The following SLCO5A1 variants were observed in gnomAD, a reference collection of about 807,000 sequenced individuals.
The protein encoded by SLCO5A1 is organic anion transporter polypeptide-related protein 4.
In SLCO5A1, 39 loss-of-function variants were observed where a neutral mutation model predicts 65.1. The observed-to-expected ratio is 0.60, with a 90% CI of 0.46 to 0.78. SLCO5A1 has a LOEUF of 0.78. Among genes scored for constraint, SLCO5A1 ranks in the 30% least tolerant of loss-of-function variants. The probability of loss-of-function intolerance (pLI) is 0.00; values close to 1 mark genes in which losing one functional copy is unlikely to be tolerated. For synonymous variants in SLCO5A1, 438 were observed against 415.7 expected, an observed-to-expected ratio of 1.05 and a Z score of -0.65; for missense variants, 1,029 against 1,069.4, an observed-to-expected ratio of 0.96 and a Z score of 0.53.
chr8:69,721,205 C>T (rs926559013), intron 5 of SLCO5A1, among the ~76,000 whole-genome samples: 18 of 152,102 alleles, frequency 1.2e-4, no homozygotes, highest in Admixed American at 1.0e-3. Context: ...ACTATGAGGA[C>T]AGGAGTCTGT....
At chr8:69,692,291 A>G (rs1002498060) in intron 6 of SLCO5A1, among the ~76,000 whole-genome samples, 5 of 152,192 alleles carry the variant, frequency 3.3e-5, no homozygotes, top group Non-Finnish European at 7.3e-5. Context: ...ATACACCTGT[A>G]TAGGGCATTT....
Position 69,670,351 on chromosome 8 carries a change from A to G in SLCO5A1, c.*2518T>C, listed in dbSNP as rs545198276. 7 of 152,246 alleles carry G rather than the reference A, an allele frequency of 4.6e-5. No individual in the cohort carries two copies. 9.4% of individuals were successfully genotyped at this position (152,246 alleles called of 1,614,324 possible). ...GTATCATCTACAAAACAGTCACTTC[A>G]GTTGGCTATGTAATATTCCAGTGAT... On this transcript the variant is annotated 3_prime_UTR_variant, in exon 10 of 10. Transcript: ENST00000260126.
At chr8:69,711,014 C>T (rs949463569) in intron 5 of SLCO5A1, among the ~76,000 whole-genome samples, 1 of 39,692 alleles carries the variant, frequency 2.5e-5, no homozygotes, top group Non-Finnish European at 5.1e-5. Context: ...TTCATACTGT[C>T]CCCCCCACTC....
chr8:69,690,571 G>A (rs537776985), intron 6 of SLCO5A1, among the ~76,000 whole-genome samples: 72 of 152,190 alleles, frequency 4.7e-4, no homozygotes, highest in Non-Finnish European at 5.6e-4. Flanking sequence ...GTTGTCCTAC[G>A]GTAAAATCAA....
chr8:69,744,900 A>T (rs1172953697), intron 4 of SLCO5A1, among the ~76,000 whole-genome samples: 8 of 152,230 alleles, frequency 5.3e-5, no homozygotes, highest in Admixed American at 5.2e-4. Context: ...TTTTAAAAGT[A>T]TGGTTCTTTA....
intron 2 of SLCO5A1, among the ~76,000 whole-genome samples, chr8:69,806,585 C>T (rs763369695): frequency 9.9e-5 from 15 of 152,140 alleles, no homozygotes; most frequent in East Asian, 1.9e-4. Flanking sequence ...GGCTCAAGAC[C>T]GCAGAGGAAC....
At chr8:69,687,277 C>G (rs1350987320) in intron 6 of SLCO5A1, among the ~76,000 whole-genome samples, 1 of 152,260 alleles carries the variant, frequency 6.6e-6, no homozygotes, top group South Asian at 2.1e-4. Flanking sequence ...CTATTAAATA[C>G]CCCTCCTGAC....
At chr8:69,763,312 GA>G (rs939487522) in intron 2 of SLCO5A1, among the ~76,000 whole-genome samples, 62 of 137,736 alleles carry the variant, frequency 4.5e-4, no homozygotes, top group Non-Finnish European at 3.9e-4. Flanking sequence ...CTCCATCTCA[GA>G]AAAAAAAAAA....
At chr8:69,776,700 A>T (rs1418868979) in intron 2 of SLCO5A1, among the ~76,000 whole-genome samples, 1 of 152,096 alleles carries the variant, frequency 6.6e-6, no homozygotes, top group Non-Finnish European at 1.5e-5. Flanking sequence ...AAAAAAACAA[A>T]CCAACCAAAG....
intron 6 of SLCO5A1, among the ~76,000 whole-genome samples, chr8:69,704,344 A>T (rs560848236): frequency 6.6e-6 from 1 of 152,348 alleles, no homozygotes; most frequent in Non-Finnish European, 1.5e-5. Flanking sequence ...ATGGATTAAC[A>T]TATGTAAAGC....
At chr8:69,706,091 C>T (rs1586705646) in intron 5 of SLCO5A1, among the ~76,000 whole-genome samples, 1 of 152,106 alleles carries the variant, frequency 6.6e-6, no homozygotes, top group African/African-American at 2.4e-5. Flanking sequence ...TGCTTCTATA[C>T]ACTCATTAAA....
intron 5 of SLCO5A1, among the ~76,000 whole-genome samples, chr8:69,736,337 C>G (rs1416421988): frequency 6.6e-6 from 1 of 152,244 alleles, no homozygotes; most frequent in Non-Finnish European, 1.5e-5. Context: ...CACAAGTTGT[C>G]TGTCTAGCCT....
At chr8:69,800,697 G>C (rs916952823) in intron 2 of SLCO5A1, among the ~76,000 whole-genome samples, 1 of 152,150 alleles carries the variant, frequency 6.6e-6, no homozygotes, top group Non-Finnish European at 1.5e-5. Flanking sequence ...TAATCACGAA[G>C]GTTTATTCCT....
intron 5 of SLCO5A1, among the ~76,000 whole-genome samples, chr8:69,734,680 C>T (rs10504459): frequency 0.022 from 3,375 of 152,290 alleles, 106 homozygotes; most frequent in South Asian, 0.076. Context: ...TGCTTCCTCT[C>T]TATCCATAAC....
At chr8:69,763,486 A>G (rs1388063675) in intron 2 of SLCO5A1, among the ~76,000 whole-genome samples, 3 of 151,572 alleles carry the variant, frequency 2.0e-5, no homozygotes. Context: ...ATGGTGATGC[A>G]TACCTGTAAT....
rs140657859 is a variant in SLCO5A1, at chr8:69,737,215, T to G, written c.1423+825A>C. 1.7e-3 allele frequency among the ~76,000 whole-genome samples: 264 copies of G among 152,332 alleles called. 1 individual carries two copies. Among genetic ancestry groups the G allele is most frequent in the African/African-American group, 5.5e-3 (230 of 41,584 alleles). The stretch of plus-strand genomic sequence containing the variant: ...TGATGCTTGTTCATTTTCAGATAAT[T>G]CAAGTTTACTGGATTTGAATGTGGA... On this transcript the variant is annotated intron_variant, in intron 5 of 9. Coordinates refer to ENST00000260126, the MANE Select transcript of SLCO5A1 (RefSeq NM_030958.3).
chr8:69,799,804 T>C (rs1020287032), intron 2 of SLCO5A1, among the ~76,000 whole-genome samples: 3 of 152,154 alleles, frequency 2.0e-5, no homozygotes, highest in Non-Finnish European at 2.9e-5. Context: ...GGATAACCAA[T>C]GATCAACTGC....
At chr8:69,705,528 A>C (rs1364779142) in intron 5 of SLCO5A1, among the ~76,000 whole-genome samples, 1 of 152,204 alleles carries the variant, frequency 6.6e-6, no homozygotes, top group East Asian at 1.9e-4. Flanking sequence ...ATCCAGACAA[A>C]CAATAAACAC....
At chr8:69,702,945 C>T (rs1814808384) in intron 6 of SLCO5A1, among the ~76,000 whole-genome samples, 1 of 151,254 alleles carries the variant, frequency 6.6e-6, no homozygotes, top group Non-Finnish European at 1.5e-5. Flanking sequence ...CTCGTCTCTA[C>T]AAAAAATACA....
Sources: gnomAD v4.1 joint callset for allele counts (sites outside exome capture counted in the v4.1 genomes callset) on GRCh38, gnomAD v4.1.1 for gene constraint, MANE v1.5 for transcripts, NCBI Gene and HGNC (gene_info 2026-07-23, HGNC 2026-07-21) for gene names.